The following PAPPA variants were observed in gnomAD, a reference collection of about 807,000 sequenced individuals.
PAPPA encodes pappalysin-1.
PAPPA carries 60 observed loss-of-function variants against 164.0 expected under a neutral mutation model. The observed-to-expected ratio is 0.37, with a 90% CI of 0.30 to 0.45. The LOEUF (loss-of-function observed/expected upper bound fraction) is 0.45, where lower values mean the gene tolerates loss of function less well. Among genes scored for constraint, PAPPA ranks in the 20% least tolerant of loss-of-function variants. The pLI is 1.00. For missense variants in PAPPA, 1,782 were observed against 2,087.3 expected (o/e 0.85, Z 2.85); for synonymous variants, 875 against 814.1 (o/e 1.07, Z -1.27).
intron 1 of PAPPA, among the ~76,000 whole-genome samples, chr9:116,182,047 T>C (rs1485715741): frequency 6.6e-6 from 1 of 152,220 alleles, no homozygotes; most frequent in Non-Finnish European, 1.5e-5. Context: ...CTTAATGTAT[T>C]GACCATGACT....
At chr9:116,235,797 A>G (rs1452706388) in intron 7 of PAPPA, among the ~76,000 whole-genome samples, 160 bp downstream of exon 7, 1 of 152,088 alleles carries the variant, frequency 6.6e-6, no homozygotes, top group Non-Finnish European at 1.5e-5. Flanking sequence ...TTAACATGGC[A>G]GAGTTGATAT....
intron 18 of PAPPA, among the ~76,000 whole-genome samples, chr9:116,365,633 T>G (rs1846492075): frequency 6.7e-6 from 1 of 148,250 alleles, no homozygotes; most frequent in Non-Finnish European, 1.5e-5. Context: ...TCAAAAGGAT[T>G]TTATTATCAC....
At chr9:116,235,700 G>C in intron 7 of PAPPA, 63 bp downstream of exon 7, 1 of 1,526,686 alleles carries the variant, frequency 6.6e-7, no homozygotes, top group Non-Finnish European at 9.0e-7. Flanking sequence ...ACGTGAGGTG[G>C]GTCAGAGAGG....
intron 7 of PAPPA, among the ~76,000 whole-genome samples, chr9:116,254,098 C>T (rs1844893073): frequency 6.6e-6 from 1 of 152,152 alleles, no homozygotes; most frequent in African/African-American, 2.4e-5. Context: ...TCACTCCCTC[C>T]CCATCATCAA....
chr9:116,277,959 T>C (rs1854828), intron 9 of PAPPA, among the ~76,000 whole-genome samples: 95,075 of 152,096 alleles, frequency 0.63, 29,853 homozygotes, highest in East Asian at 0.72. Flanking sequence ...TGAGCCACCG[T>C]GCCTGACTGA....
chr9:116,173,752 C>T (rs1843799798), intron 1 of PAPPA, among the ~76,000 whole-genome samples: 1 of 152,198 alleles, frequency 6.6e-6, no homozygotes, highest in African/African-American at 2.4e-5. Context: ...AAATCCTGTA[C>T]CTCATGCAAG....
At chr9:116,300,165 T>C in intron 9 of PAPPA, among the ~76,000 whole-genome samples, 1 of 152,234 alleles carries the variant, frequency 6.6e-6, no homozygotes, top group East Asian at 1.9e-4. Context: ...ATTCTTTCTA[T>C]ATTGAACTGC....
chr9:116,353,864 C>T (rs1324398170), intron 17 of PAPPA, 71 bp downstream of exon 17: 1 of 1,112,974 alleles, frequency 9.0e-7, no homozygotes, highest in African/African-American at 1.6e-5. Flanking sequence ...CTAGCCTGTA[C>T]TTCAGGAACC....
rs780251304 is a variant in PAPPA at position 116,362,577 on chromosome 9, T to C, written c.4348-15T>C. ...GTGTCTCTCTTGGTCCTAACTCTGT[T>C]TCTCTGTTGTTCAGGGACTTGGGAG... On this transcript the variant is annotated splice_polypyrimidine_tract_variant and intron_variant, in intron 17 of 21. Coordinates refer to ENST00000328252, the MANE Select transcript of PAPPA (RefSeq NM_002581.5). 3 of 1,611,022 alleles carry C rather than the reference T, an allele frequency of 1.9e-6. No individual in the cohort carries two copies. Among genetic ancestry groups the C allele is most frequent in the South Asian group, 1.1e-5 (1 of 90,434 alleles).
At chr9:116,300,164 A>G (rs1845561468) in intron 9 of PAPPA, among the ~76,000 whole-genome samples, 1 of 152,136 alleles carries the variant, frequency 6.6e-6, no homozygotes, top group Non-Finnish European at 1.5e-5. Context: ...TATTCTTTCT[A>G]TATTGAACTG....
At chr9:116,165,257 T>C (rs1843708196) in intron 1 of PAPPA, among the ~76,000 whole-genome samples, 1 of 152,166 alleles carries the variant, frequency 6.6e-6, no homozygotes, top group Non-Finnish European at 1.5e-5. Context: ...CTACTAATGG[T>C]AGTTATTTGT....
chr9:116,265,624 T>C (rs757914911), intron 7 of PAPPA, among the ~76,000 whole-genome samples: 3 of 152,246 alleles, frequency 2.0e-5, no homozygotes, highest in Non-Finnish European at 4.4e-5. Context: ...AGTAAGTACA[T>C]AGTTATCAGT....
intron 9 of PAPPA, chr9:116,287,086 A>G (rs1235003019): frequency 6.6e-6 from 1 of 152,202 alleles, no homozygotes; most frequent in African/African-American, 2.4e-5. Flanking sequence ...AAATAGATTA[A>G]CTGGACAGCA....
chr9:116,202,884 T>A (rs1319552900), intron 2 of PAPPA, among the ~76,000 whole-genome samples: 1 of 152,216 alleles, frequency 6.6e-6, no homozygotes, highest in Non-Finnish European at 1.5e-5. Context: ...TCCATTTGAC[T>A]CAGCGACATT....
chr9:116,271,463 G>A lies in PAPPA; in HGVS notation c.2953+47G>A. 1 of 1,320,576 alleles carries A rather than the reference G, an allele frequency of 7.6e-7. No individual in the cohort carries two copies. The highest frequency in any genetic ancestry group is 2.3e-5 in the East Asian group (1 of 43,494). The allele number at this position is 1,320,576 out of a possible 1,614,324, so 81.8% of individuals were successfully genotyped here. A position where few individuals can be genotyped will look rare whatever the true frequency, so the allele number is the denominator to read the frequency against. ...TGGCCTTCATGAAGAAATGAACGGT[G>A]CAGAATGGTTGGTCAATGATAATGC... On this transcript the variant is annotated intron_variant, in intron 9 of 21. Coordinates refer to ENST00000328252, the MANE Select transcript of PAPPA (RefSeq NM_002581.5). The surrounding 1 kb of genome is among the most constrained non-coding windows in gnomAD (Gnocchi z 4.2).
intron 13 of PAPPA, among the ~76,000 whole-genome samples, chr9:116,341,854 C>G (rs913606760): frequency 1.3e-5 from 2 of 152,112 alleles, no homozygotes; most frequent in Admixed American, 6.5e-5. Context: ...GAAACTGAAC[C>G]TCAGGATGTT....
At chr9:116,380,237 CATA>C (rs1456432440) in intron 20 of PAPPA, among the ~76,000 whole-genome samples, 37 of 152,230 alleles carry the variant, frequency 2.4e-4, no homozygotes, top group Non-Finnish European at 2.6e-4. Context: ...TTTTCCTTAG[CATA>C]ATGTGTAACA....
chr9:116,258,318 G>T (rs1420053512), intron 7 of PAPPA, among the ~76,000 whole-genome samples: 1 of 152,046 alleles, frequency 6.6e-6, no homozygotes, highest in Non-Finnish European at 1.5e-5. Context: ...TTATGTTGCT[G>T]TGGAAATCGC....
chr9:116,350,142 C>T (rs960595213), intron 15 of PAPPA, among the ~76,000 whole-genome samples: 2 of 152,190 alleles, frequency 1.3e-5, no homozygotes, highest in African/African-American at 4.8e-5. Context: ...TTTAAACTCA[C>T]CCTGCATATG....
Sources: allele counts gnomAD v4.1 joint callset (sites outside exome capture counted in the v4.1 genomes callset), GRCh38; gene constraint gnomAD v4.1.1; non-coding constraint Gnocchi (gnomAD v3.1); transcripts MANE v1.5; gene names NCBI Gene and HGNC (gene_info 2026-07-23, HGNC 2026-07-21).